CHKA: variants seen among roughly 807,000 people sequenced by gnomAD.
The protein encoded by CHKA is CHETK-alpha.
In CHKA, 34 loss-of-function variants were observed where a neutral mutation model predicts 60.1. The ratio of observed to expected loss-of-function variants is 0.57; its 90% CI spans 0.43 to 0.75. CHKA has a LOEUF of 0.75. CHKA is among the 30% of genes least tolerant of loss of function. CHKA has a pLI of 0.00. For missense variants in CHKA, 563 were observed against 561.3 expected (o/e 1.00, Z -0.03); for synonymous variants, 217 against 223.1 (o/e 0.97, Z 0.24).
intron 1 of CHKA, among the ~76,000 whole-genome samples, chr11:68,118,244 C>T (rs1487412778): frequency 6.6e-6 from 1 of 152,022 alleles, no homozygotes; most frequent in Non-Finnish European, 1.5e-5. Context: ...GAGTTCAAGA[C>T]CAGCCTGGGC....
At chr11:68,082,253 A>AC (rs1455496581) in intron 2 of CHKA, among the ~76,000 whole-genome samples, 1 of 151,692 alleles carries the variant, frequency 6.6e-6, no homozygotes, top group Non-Finnish European at 1.5e-5. Context: ...TTTAAGAGCA[A>AC]CCCCCCACCC....
Position 68,053,594 on chromosome 11 carries a change from T to G in CHKA, c.*394A>C. On this transcript the variant is annotated 3_prime_UTR_variant, in exon 12 of 12. Coordinates refer to ENST00000265689, the MANE Select transcript of CHKA (RefSeq NM_001277.3). Reference sequence around the variant, plus strand: ...GCCATCTACAAAAGCCTGGTCACAGTGTTCACCAGCACATTCATGAAAATT... The same window carrying G: ...GCCATCTACAAAAGCCTGGTCACAGGGTTCACCAGCACATTCATGAAAATT... 1 of 194,120 alleles carries G rather than the reference T, an allele frequency of 5.2e-6. No homozygotes were observed. The highest frequency in any genetic ancestry group is 1.1e-5 in the Non-Finnish European group (1 of 93,148). The allele number at this position is 194,120 out of a possible 1,614,324, so 12.0% of individuals were successfully genotyped here. A position where few individuals can be genotyped will look rare whatever the true frequency, so the allele number is the denominator to read the frequency against.
At position 68,058,116 on chromosome 11, in the gene CHKA, T is replaced by C. The variant is rs570438944; in HGVS notation, c.1314+3837A>G. 3.3e-5 allele frequency among the ~76,000 whole-genome samples: 5 copies of C among 152,316 alleles called. No individual in the cohort carries two copies. The South Asian group carries it at 1.0e-3, about 32-fold the overall frequency. ...TATGCTGCCCAGGCTGGTTTCCAACTCCTGGGCTCTAGCGATTCTCCTGCC... is the reference window on the plus strand; with the variant it reads ...TATGCTGCCCAGGCTGGTTTCCAACCCCTGGGCTCTAGCGATTCTCCTGCC... On this transcript the variant is annotated intron_variant, in intron 11 of 11. Coordinates refer to ENST00000265689, the MANE Select transcript of CHKA (RefSeq NM_001277.3).
Position 68,120,906 on chromosome 11 carries a change from G to T in CHKA, c.272C>A (p.Ala91Asp). 8.1e-7 allele frequency: 1 copy of T among 1,241,070 alleles called. No individual in the cohort carries two copies. The highest frequency in any genetic ancestry group is 1.0e-6 in the Non-Finnish European group (1 of 982,768). 76.9% of individuals were successfully genotyped at this position (1,241,070 alleles called of 1,614,324 possible). Residue 91 changes from alanine (A) to aspartate (D), a missense_variant, in exon 1 of 12, where the codon GCC (alanine) becomes GAC (aspartate). By Grantham distance (126) the Ala-to-Asp change is moderately radical. Coordinates refer to ENST00000265689, the MANE Select transcript of CHKA (RefSeq NM_001277.3). The stretch of plus-strand genomic sequence containing the variant: ...CAGGAACTCCTTGCACCACAGATAG[G>T]CCCTGCGCCGCGTCCGGGGCTCCGG... ...EQPEPRTRRR[A>D]YLWCKEFLPG...
intron 3 of CHKA, among the ~76,000 whole-genome samples, chr11:68,081,195 T>C (rs1856976177): frequency 6.6e-6 from 1 of 152,168 alleles, no homozygotes; most frequent in Non-Finnish European, 1.5e-5. Context: ...TTCCACAGTC[T>C]ACACTCTCAG....
intron 1 of CHKA, among the ~76,000 whole-genome samples, chr11:68,103,006 G>C (rs1857783074): frequency 6.6e-6 from 1 of 151,660 alleles, no homozygotes; most frequent in Non-Finnish European, 1.5e-5. Context: ...CTAAATGGTG[G>C]CGTGTGCCTA....
intron 6 of CHKA, among the ~76,000 whole-genome samples, chr11:68,069,359 A>G (rs1309902134): frequency 6.6e-6 from 1 of 152,182 alleles, no homozygotes; most frequent in Non-Finnish European, 1.5e-5. Context: ...CATCAAGCCT[A>G]GCAGAGGAGG....
At chr11:68,089,462 T>C (rs1857283429) in intron 2 of CHKA, among the ~76,000 whole-genome samples, 1 of 152,192 alleles carries the variant, frequency 6.6e-6, no homozygotes, top group Non-Finnish European at 1.5e-5. Flanking sequence ...TATCAAAATA[T>C]ATATGGTGTC....
At chr11:68,065,364 C>T (rs1320413764) in intron 9 of CHKA, among the ~76,000 whole-genome samples, 3 of 152,120 alleles carry the variant, frequency 2.0e-5, no homozygotes, top group East Asian at 1.9e-4. Context: ...AACAAAATAA[C>T]ATTTTTTAAC....
chr11:68,068,618 A>G (rs1856518666), intron 7 of CHKA, among the ~76,000 whole-genome samples: 1 of 152,012 alleles, frequency 6.6e-6, no homozygotes, highest in Non-Finnish European at 1.5e-5. Flanking sequence ...GGGTCTTGCT[A>G]TGTTGCCCAG....
intron 11 of CHKA, among the ~76,000 whole-genome samples, chr11:68,056,719 C>G (rs144827136): frequency 6.6e-6 from 1 of 152,016 alleles, no homozygotes; most frequent in African/African-American, 2.4e-5. Context: ...CTTAAAATAC[C>G]CTTTGTTAGC....
chr11:68,054,076 C>G, intron 11 of CHKA, 29 bp from the exon 12 acceptor site: 1 of 1,598,160 alleles, frequency 6.3e-7, no homozygotes, highest in East Asian at 2.2e-5. Context: ...AAGGCCTCAG[C>G]AAGGAATCCT....
intron 1 of CHKA, among the ~76,000 whole-genome samples, chr11:68,098,997 T>C (rs1296996782): frequency 6.6e-6 from 1 of 152,172 alleles, no homozygotes; most frequent in East Asian, 1.9e-4. Flanking sequence ...ACCACAGTTT[T>C]AATAAAAAAG....
intron 1 of CHKA, among the ~76,000 whole-genome samples, chr11:68,109,892 CA>C (rs1163763472): frequency 6.6e-6 from 1 of 152,116 alleles, no homozygotes; most frequent in Non-Finnish European, 1.5e-5. Flanking sequence ...GTAGAGGTTG[CA>C]GTGAGCCGAG....
At chr11:68,066,545 T>C in intron 7 of CHKA, 29 bp from the exon 8 acceptor site, 1 of 1,548,748 alleles carries the variant, frequency 6.5e-7, no homozygotes, top group Non-Finnish European at 8.9e-7. Flanking sequence ...ACATGGTTTA[T>C]GTTTTACAAT....
rs1332643468 is a variant in CHKA at position 68,053,948 on chromosome 11, A to G, written c.*40T>C. The G allele has an allele frequency of 4.4e-6, 7 of 1,591,692 alleles. No homozygotes were observed. Among genetic ancestry groups the G allele is most frequent in the Non-Finnish European group, 6.0e-6 (7 of 1,161,268 alleles). On this transcript the variant is annotated 3_prime_UTR_variant, in exon 12 of 12. Coordinates refer to ENST00000265689, the MANE Select transcript of CHKA (RefSeq NM_001277.3). ...GGGGACCCCGCTCTGCTGCCTCCCC[A>G]TGCAGTCCAGTGATGAGGTGGATGG...
At chr11:68,106,542 C>A (rs1857922164) in intron 1 of CHKA, among the ~76,000 whole-genome samples, 1 of 151,466 alleles carries the variant, frequency 6.6e-6, no homozygotes, top group Non-Finnish European at 1.5e-5. Flanking sequence ...AACACAAAAA[C>A]CCTGCCTCCA....
intron 10 of CHKA, 118 bp from the exon 11 acceptor site, chr11:68,062,152 T>G: frequency 1.4e-6 from 1 of 714,354 alleles, no homozygotes; most frequent in Non-Finnish European, 2.4e-6. Flanking sequence ...CTAGTTAGTG[T>G]TGGCAAATCA....
chr11:68,082,511 T>C (rs920244631), intron 2 of CHKA: 2 of 152,444 alleles, frequency 1.3e-5, no homozygotes, highest in Non-Finnish European at 2.9e-5. Context: ...CACAGCTTTA[T>C]CAAAAATACC....
Sources: gnomAD v4.1 joint callset for allele counts (sites outside exome capture counted in the v4.1 genomes callset) on GRCh38, gnomAD v4.1.1 for gene constraint, MANE v1.5 for transcripts, NCBI Gene and HGNC (gene_info 2026-07-23, HGNC 2026-07-21) for gene names.